The following RBBP7 variants were observed in gnomAD, a reference collection of about 807,000 sequenced individuals.
RBBP7 encodes the protein histone-binding protein RBBP7.
RBBP7 carries 5 observed loss-of-function variants against 35.2 expected under a neutral mutation model. The observed-to-expected ratio is 0.14, with a 90% CI of 0.07 to 0.30. RBBP7 has a LOEUF of 0.30. RBBP7 is among the 10% of genes least tolerant of loss of function. The pLI is 1.00. For synonymous variants in RBBP7, 140 were observed against 118.7 expected, an observed-to-expected ratio of 1.18 and a Z score of -1.17; for missense variants, 155 against 327.5, an observed-to-expected ratio of 0.47 and a Z score of 4.07.
chrX:16,846,111 A>G, intron 10 of RBBP7, 173 bp from the exon 11 acceptor site: 10 of 791,492 alleles, frequency 1.3e-5, no homozygotes. Context: ...AAATTTCCAA[A>G]CCTCCAGAAT....
At position 16,845,912 on chromosome X, in the gene RBBP7, C is replaced by T; in HGVS notation, c.1125G>A (p.Lys375=). Residue 375 remains lysine (K), a synonymous_variant, in exon 11 of 12, where the codon AAG becomes AAA. Coordinates refer to ENST00000380087, the MANE Select transcript of RBBP7 (RefSeq NM_002893.4). The part of the protein sequence containing the change: ...LLFIHGGHTA[K]ISDFSWNPNE... ...TGGGGTTCCAGCTAAAATCTGAAATCTTAGCAGTGTGTCCTCCATGAATAA... is the reference window on the plus strand; with the variant it reads ...TGGGGTTCCAGCTAAAATCTGAAATTTTAGCAGTGTGTCCTCCATGAATAA... 1 of 1,211,013 alleles carries T rather than the reference C, an allele frequency of 8.3e-7. No individual in the cohort carries two copies.
At chrX:16,864,132 AG>A (rs1930539873) in intron 2 of RBBP7, among the ~76,000 whole-genome samples, 1 of 110,915 alleles carries the variant, frequency 9.0e-6, no homozygotes, top group Non-Finnish European at 1.9e-5. Flanking sequence ...ACGGTAAAAA[AG>A]TGTGTGCACA....
intron 5 of RBBP7, 112 bp downstream of exon 5, chrX:16,857,482 T>C (rs766677021): frequency 5.8e-5 from 63 of 1,090,170 alleles, no homozygotes; most frequent in Non-Finnish European, 7.3e-5. Flanking sequence ...GTTACCACAA[T>C]AATCAGCAGT....
At chrX:16,846,990 G>T (rs1003472171) in intron 10 of RBBP7, 1 of 110,886 alleles carries the variant, frequency 9.0e-6, no homozygotes, top group Non-Finnish European at 1.9e-5. Flanking sequence ...TTAGCCGGGC[G>T]TGGTGGGGTG....
chrX:16,869,385 A>C (rs1338416238), intron 1 of RBBP7, 165 bp from the exon 2 acceptor site: 2 of 1,055,766 alleles, frequency 1.9e-6, no homozygotes, highest in Non-Finnish European at 2.5e-6. Context: ...AATACTAACA[A>C]TCAGGAAGCC....
At position 16,852,541 on chromosome X, in the gene RBBP7, T is replaced by C; in HGVS notation, c.963+10A>G. On this transcript the variant is annotated intron_variant, in intron 8 of 11. Coordinates refer to ENST00000380087, the MANE Select transcript of RBBP7 (RefSeq NM_002893.4). ...TCCTGACATACAGACACCAGAAAAC[T>C]GTCACATACCTGGAAAATTTCATCT... 1.7e-6 allele frequency: 2 copies of C among 1,208,563 alleles called. No homozygotes were observed. The highest frequency in any genetic ancestry group is 2.2e-6 in the Non-Finnish European group (2 of 892,458).
intron 3 of RBBP7, among the ~76,000 whole-genome samples, chrX:16,860,185 T>C (rs1443204326): frequency 9.7e-6 from 1 of 102,776 alleles, no homozygotes; most frequent in East Asian, 3.1e-4. Context: ...TCCCATTCCA[T>C]GGACTCCAGT....
At chrX:16,868,119 G>A (rs928883708) in intron 2 of RBBP7, among the ~76,000 whole-genome samples, 3 of 111,464 alleles carry the variant, frequency 2.7e-5, no homozygotes, top group African/African-American at 6.5e-5. Context: ...TGAGAGACAC[G>A]GTCTCACTCT....
intron 8 of RBBP7, 102 bp from the exon 9 acceptor site, chrX:16,852,224 C>A: frequency 1.3e-6 from 1 of 773,790 alleles, no homozygotes; most frequent in Non-Finnish European, 2.0e-6. Flanking sequence ...ACTCTATTAT[C>A]TTATCCTTGG....
At chrX:16,869,741 G>A in intron 1 of RBBP7, 1 of 974,492 alleles carries the variant, frequency 1.0e-6, no homozygotes, top group South Asian at 4.5e-5. Context: ...GCTTCCCAGC[G>A]GCGGGGGCCG....
intron 3 of RBBP7, among the ~76,000 whole-genome samples, chrX:16,859,460 T>C (rs1440072046): frequency 1.8e-5 from 2 of 112,345 alleles, no homozygotes; most frequent in African/African-American, 6.5e-5. Flanking sequence ...AAGACTATAG[T>C]ATTAAATAAT....
At chrX:16,852,708 C>A (rs777169033) in intron 7 of RBBP7, 41 bp downstream of exon 7, 1 of 1,210,226 alleles carries the variant, frequency 8.3e-7, no homozygotes, top group African/African-American at 1.7e-5. Context: ...CACAAGAGAA[C>A]TGGGTTTTAT....
intron 11 of RBBP7, 148 bp downstream of exon 11, chrX:16,845,680 T>C (rs1930057734): frequency 9.6e-7 from 1 of 1,041,317 alleles, no homozygotes; most frequent in African/African-American, 1.9e-5. Context: ...AAGATTGTAT[T>C]GTTGAAATGG....
chrX:16,854,091 C>G (rs1200617574), intron 5 of RBBP7, among the ~76,000 whole-genome samples: 2 of 110,746 alleles, frequency 1.8e-5, no homozygotes. Context: ...ACCATATTGG[C>G]CAGGCTGGTC....
rs1004951075 is a variant in RBBP7 at position 16,870,041 on chromosome X, C to T, written c.13G>A (p.Glu5Lys). 9.5e-7 allele frequency: 1 copy of T among 1,057,878 alleles called. No homozygotes were observed. Among genetic ancestry groups the T allele is most frequent in the Non-Finnish European group, 1.2e-6 (1 of 806,919 alleles). The allele number at this position is 1,057,878 out of a possible 1,213,427, so 87.2% of individuals were successfully genotyped here. MASK[E>K]MFEDTVEERV... ...GCCGCCCCGCAGGGCCTCTTACTCT[C>T]TTTACTCGCCATCTTGCGTCGGGTC... The change falls in exon 1 of 12, where the codon GAG (glutamate) becomes AAG (lysine). Residue 5 changes from glutamate to lysine, a missense_variant. By Grantham distance (56) the Glu-to-Lys change is moderately conservative. Transcript: ENST00000380087.
chrX:16,852,196 G>A (rs1366693436), intron 8 of RBBP7, 74 bp from the exon 9 acceptor site: 3 of 910,265 alleles, frequency 3.3e-6, no homozygotes, highest in African/African-American at 1.9e-5. Context: ...GTTCTAATCT[G>A]ATATTTTCCC....
intron 10 of RBBP7, chrX:16,848,629 G>A (rs1930141588): frequency 1.8e-5 from 2 of 112,090 alleles, no homozygotes; most frequent in African/African-American, 3.2e-5. Context: ...GCCAAATAAT[G>A]GGAGGAGACA....
rs907590194 is a variant in RBBP7 at position 16,845,918 on chromosome X, A to T, written c.1119T>A (p.Thr373=). 8.3e-7 allele frequency: 1 copy of T among 1,209,076 alleles called. No homozygotes were observed. The highest frequency in any genetic ancestry group is 1.1e-6 in the Non-Finnish European group (1 of 894,897). ...TCCAGCTAAAATCTGAAATCTTAGC[A>T]GTGTGTCCTCCATGAATAAACTGTT... ...PELLFIHGGH[T]AKISDFSWNP... Residue 373 remains threonine, a synonymous_variant, in exon 11 of 12, where the codon ACT becomes ACA. Coordinates refer to ENST00000380087, the MANE Select transcript of RBBP7 (RefSeq NM_002893.4).
intron 4 of RBBP7, 129 bp downstream of exon 4, chrX:16,858,547 G>A (rs773694994): frequency 2.0e-6 from 2 of 1,015,744 alleles, no homozygotes. Context: ...CTTGAGGATG[G>A]TTATGGGACC....
Sources: allele counts gnomAD v4.1 joint callset (sites outside exome capture counted in the v4.1 genomes callset), GRCh38; gene constraint gnomAD v4.1.1; transcripts MANE v1.5; gene names NCBI Gene and HGNC (gene_info 2026-07-23, HGNC 2026-07-21).